Variants in PPP6R3 observed in about 807,000 individuals in gnomAD.
The protein encoded by PPP6R3 is protein phosphatase 6 regulatory subunit 3.
A neutral mutation model predicts 110.7 loss-of-function variants in PPP6R3; 38 were observed. The ratio of observed to expected loss-of-function variants is 0.34; its 90% CI spans 0.26 to 0.45. The LOEUF (loss-of-function observed/expected upper bound fraction) is 0.45. Ranked by LOEUF, PPP6R3 falls within the 20% of genes least tolerant of loss-of-function variation. The pLI, the probability that PPP6R3 is intolerant of heterozygous loss-of-function variation, is 1.00. For missense variants in PPP6R3, 870 were observed against 1,062.4 expected, an observed-to-expected ratio of 0.82 and a Z score of 2.52; for synonymous variants, 369 against 373.5, an observed-to-expected ratio of 0.99 and a Z score of 0.14.
intron 1 of PPP6R3, among the ~76,000 whole-genome samples, chr11:68,506,029 G>C (rs2099074270): frequency 6.6e-6 from 1 of 151,640 alleles, no homozygotes; most frequent in African/African-American, 2.4e-5. Context: ...ATAAGAACCT[G>C]TATGAGATTG....
chr11:68,584,003 C>T (rs984170447), intron 15 of PPP6R3, among the ~76,000 whole-genome samples: 1 of 152,196 alleles, frequency 6.6e-6, no homozygotes, highest in Non-Finnish European at 1.5e-5. Context: ...GTAAGTCTTA[C>T]ACCTGTCATA....
chr11:68,516,000 TC>T (rs2099134762), intron 1 of PPP6R3, among the ~76,000 whole-genome samples: 1 of 152,236 alleles, frequency 6.6e-6, no homozygotes, highest in Non-Finnish European at 1.5e-5. Context: ...CATCTCCTGT[TC>T]TGCTTTCTGG....
Position 68,556,409 on chromosome 11 carries a change from T to A in PPP6R3, c.731+2152T>A, listed in dbSNP as rs1387584733. Reference sequence around the variant, plus strand: ...ACTGGAAATTTTTGAAGTTCAAAAATTTTTTAAAAACAGTTATGTTAGAAT... The same window carrying A: ...ACTGGAAATTTTTGAAGTTCAAAAAATTTTTAAAAACAGTTATGTTAGAAT... On this transcript the variant is annotated intron_variant, in intron 7 of 23. Transcript: ENST00000393800. Among the ~76,000 whole-genome samples the A allele has an allele frequency of 2.6e-5, 4 of 152,174 alleles. No homozygotes were observed. In the South Asian group the frequency reaches 6.2e-4, roughly 24 times the overall value.
chr11:68,575,860 C>G, intron 13 of PPP6R3, 98 bp from the exon 14 acceptor site: 1 of 785,064 alleles, frequency 1.3e-6, no homozygotes, highest in East Asian at 2.6e-5. Context: ...ATTGATGAAC[C>G]AGGTGAGTAG....
intron 14 of PPP6R3, among the ~76,000 whole-genome samples, chr11:68,577,372 C>T (rs1431479361): frequency 1.3e-5 from 2 of 152,144 alleles, no homozygotes; most frequent in African/African-American, 4.8e-5. Flanking sequence ...GAGGTTCCCA[C>T]GTTGATTCCT....
chr11:68,545,666 T>A (rs912730124), intron 4 of PPP6R3, among the ~76,000 whole-genome samples: 2 of 152,244 alleles, frequency 1.3e-5, no homozygotes, highest in Non-Finnish European at 2.9e-5. Context: ...ATGTAAGTTC[T>A]TGAGTCCTAT....
At chr11:68,477,595 G>A (rs985863736) in intron 1 of PPP6R3, among the ~76,000 whole-genome samples, 4 of 151,104 alleles carry the variant, frequency 2.6e-5, no homozygotes, top group African/African-American at 9.7e-5. Flanking sequence ...GTATGGCAGC[G>A]TGTGTCTGGA....
intron 22 of PPP6R3, chr11:68,609,577 C>T: frequency 6.4e-7 from 1 of 1,550,646 alleles, no homozygotes; most frequent in Non-Finnish European, 8.7e-7. Flanking sequence ...AACTCTTGTA[C>T]ATTTCTTTTT....
chr11:68,558,846 G>A (rs906433062), intron 8 of PPP6R3, among the ~76,000 whole-genome samples, 167 bp downstream of exon 8: 3 of 152,184 alleles, frequency 2.0e-5, no homozygotes, highest in Non-Finnish European at 4.4e-5. Flanking sequence ...ACCACATATT[G>A]GGATGCAGTT....
intron 19 of PPP6R3, among the ~76,000 whole-genome samples, chr11:68,598,883 T>C (rs1424153601): frequency 6.6e-6 from 1 of 152,184 alleles, no homozygotes; most frequent in African/African-American, 2.4e-5. Context: ...CATTTATTCC[T>C]TCTTGGTGTC....
chr11:68,594,282 GA>G, intron 18 of PPP6R3, among the ~76,000 whole-genome samples: 1 of 150,914 alleles, frequency 6.6e-6, no homozygotes, highest in African/African-American at 2.4e-5. Context: ...GAGAGAGAGA[GA>G]GAGAGAGAGG....
intron 1 of PPP6R3, among the ~76,000 whole-genome samples, chr11:68,464,801 A>C (rs1467379216): frequency 6.6e-6 from 1 of 151,898 alleles, no homozygotes; most frequent in Non-Finnish European, 1.5e-5. Flanking sequence ...ATAATCTTAC[A>C]CTACTGTAAT....
rs77747720 is a variant in PPP6R3 at position 68,526,775 on chromosome 11, A to G, written c.-7+7124A>G. On this transcript the variant is annotated intron_variant, in intron 2 of 23. Transcript: ENST00000393800. The stretch of plus-strand genomic sequence containing the variant: ...ATGAAACTTGTTCGTAGTAGAAATA[A>G]CCCATGCTTTGCATATACTTGGACT... Among the ~76,000 whole-genome samples the G allele has an allele frequency of 7.7e-3, 1,172 of 152,324 alleles. 19 individuals carry two copies. The highest frequency in any genetic ancestry group is 0.027 in the African/African-American group (1,109 of 41,568).
At chr11:68,514,752 T>G (rs369248244) in intron 1 of PPP6R3, among the ~76,000 whole-genome samples, 1 of 152,030 alleles carries the variant, frequency 6.6e-6, no homozygotes, top group Non-Finnish European at 1.5e-5. Flanking sequence ...GCCCAGCTAA[T>G]TTTTGTATTT....
intron 3 of PPP6R3, among the ~76,000 whole-genome samples, chr11:68,543,398 G>C (rs1005815774): frequency 9.0e-6 from 1 of 111,354 alleles, no homozygotes; most frequent in African/African-American, 3.2e-5. Flanking sequence ...ACATCTGCCA[G>C]GTCTGTTTTT....
In PPP6R3 at chr11:68,548,360, C is replaced by G. The variant is rs549417097; in HGVS notation, c.552+156C>G. 1.2e-4 allele frequency among the ~76,000 whole-genome samples: 18 copies of G among 152,246 alleles called. No homozygotes were observed. In the South Asian group the frequency reaches 3.7e-3, roughly 32 times the overall value. On this transcript the variant is annotated intron_variant, in intron 5 of 23. Coordinates refer to ENST00000393800, the MANE Select transcript of PPP6R3 (RefSeq NM_001164161.2). ...ACAGGGTGGGGAAGAAAGGTTGTTC[C>G]AAGATAGGAAGAGATCCAGATTTTG... is the stretch of plus-strand genomic sequence containing the variant.
chr11:68,462,470 G>A (rs2098714780), intron 1 of PPP6R3, among the ~76,000 whole-genome samples: 2 of 152,180 alleles, frequency 1.3e-5, no homozygotes, highest in Non-Finnish European at 2.9e-5. Flanking sequence ...GTCGGGCTTT[G>A]TTCCTCATGT....
chr11:68,561,934 TTA>T (rs1222228794), intron 8 of PPP6R3, among the ~76,000 whole-genome samples: 1 of 152,154 alleles, frequency 6.6e-6, no homozygotes, highest in East Asian at 1.9e-4. Flanking sequence ...CAAATTTTTT[TTA>T]TGTTTTGTAG....
chr11:68,511,387 T>A (rs906608342), intron 1 of PPP6R3, among the ~76,000 whole-genome samples: 1 of 150,896 alleles, frequency 6.6e-6, no homozygotes, highest in Non-Finnish European at 1.5e-5. Flanking sequence ...TTATAGCTGT[T>A]AAATGGTATA....
Sources: gnomAD v4.1 joint callset for allele counts (sites outside exome capture counted in the v4.1 genomes callset) on GRCh38, gnomAD v4.1.1 for gene constraint, MANE v1.5 for transcripts, NCBI Gene and HGNC (gene_info 2026-07-23, HGNC 2026-07-21) for gene names.